Variants in DLGAP1 observed in about 807,000 individuals in gnomAD.
DLGAP1 encodes disks large-associated protein 1.
Under a neutral mutation model 90.8 loss-of-function variants are expected in DLGAP1, and 11 were observed. The observed-to-expected ratio is 0.12, with a 90% confidence interval of 0.08 to 0.20. The LOEUF is 0.20. Among genes scored for constraint, DLGAP1 ranks in the 10% least tolerant of loss-of-function variants. The pLI, the probability that DLGAP1 is intolerant of heterozygous loss-of-function variation, is 1.00. For synonymous variants in DLGAP1, 558 were observed against 540.7 expected, an observed-to-expected ratio of 1.03 and a Z score of -0.44; for missense variants, 1,050 against 1,333.8, an observed-to-expected ratio of 0.79 and a Z score of 3.31.
intron 3 of DLGAP1, among the ~76,000 whole-genome samples, chr18:3,934,131 T>C (rs964688306): frequency 6.6e-6 from 1 of 152,204 alleles, no homozygotes; most frequent in Admixed American, 6.5e-5. Context: ...GAACAGTATT[T>C]ACTAAAAGGA....
intron 3 of DLGAP1, among the ~76,000 whole-genome samples, chr18:3,887,010 A>G (rs2071334512): frequency 6.6e-6 from 1 of 152,214 alleles, no homozygotes; most frequent in African/African-American, 2.4e-5. Context: ...GGAGTGCCAT[A>G]TCCGCCCTGG....
intron 1 of DLGAP1, among the ~76,000 whole-genome samples, chr18:4,235,580 T>C (rs2078391650): frequency 6.6e-6 from 1 of 152,174 alleles, no homozygotes; most frequent in African/African-American, 2.4e-5. Context: ...CATTTGTTTT[T>C]GCCAGCACTG....
intron 7 of DLGAP1, among the ~76,000 whole-genome samples, chr18:3,673,517 A>G (rs1265332103): frequency 6.6e-6 from 1 of 152,198 alleles, no homozygotes; most frequent in Non-Finnish European, 1.5e-5. Context: ...TATTGTTAGC[A>G]CACAATTGCT....
intron 7 of DLGAP1, among the ~76,000 whole-genome samples, chr18:3,703,994 T>C (rs1207700601): frequency 6.6e-6 from 1 of 152,160 alleles, no homozygotes; most frequent in African/African-American, 2.4e-5. Flanking sequence ...ATTATACCAT[T>C]GGGAACATTA....
At chr18:4,251,348 A>T (rs7243004) in intron 1 of DLGAP1, among the ~76,000 whole-genome samples, 13,567 of 152,218 alleles carry the variant, frequency 0.089, 2,047 homozygotes, top group African/African-American at 0.31. Flanking sequence ...TTGACTTTAC[A>T]GATGGAAGCA....
At chr18:3,623,273 G>A (rs1351312978) in intron 7 of DLGAP1, among the ~76,000 whole-genome samples, 1 of 152,190 alleles carries the variant, frequency 6.6e-6, no homozygotes, top group East Asian at 1.9e-4. Flanking sequence ...TCAGGGCCTG[G>A]AACAAAGTAA....
intron 5 of DLGAP1, among the ~76,000 whole-genome samples, chr18:3,778,870 G>A (rs1041710546): frequency 6.6e-6 from 1 of 152,148 alleles, no homozygotes; most frequent in African/African-American, 2.4e-5. Context: ...GTGGCTCAGG[G>A]TCCTCTCTCC....
At chr18:3,605,473 C>T (rs186401592) in intron 7 of DLGAP1, among the ~76,000 whole-genome samples, 1 of 152,196 alleles carries the variant, frequency 6.6e-6, no homozygotes, top group African/African-American at 2.4e-5. Context: ...ACACAGTTAA[C>T]GTTTGCTGCC....
chr18:4,177,450 C>T (rs2077128616), intron 1 of DLGAP1, among the ~76,000 whole-genome samples: 1 of 151,718 alleles, frequency 6.6e-6, no homozygotes, highest in African/African-American at 2.4e-5. Flanking sequence ...TAGTTAGAGA[C>T]TCTGGTTCTT....
chr18:3,596,714 A>AC, intron 7 of DLGAP1: 1 of 431,692 alleles, frequency 2.3e-6, no homozygotes, highest in Non-Finnish European at 4.6e-6. Context: ...GAAGGCGTGA[A>AC]CAGGGATGAG....
At chr18:3,626,149 C>T (rs1280788597) in intron 7 of DLGAP1, among the ~76,000 whole-genome samples, 1 of 151,886 alleles carries the variant, frequency 6.6e-6, no homozygotes, top group Non-Finnish European at 1.5e-5. Context: ...AAAAATTAGC[C>T]CAGCGTGGTG....
chr18:4,221,855 G>A (rs187090048), intron 1 of DLGAP1, among the ~76,000 whole-genome samples: 1 of 152,222 alleles, frequency 6.6e-6, no homozygotes, highest in Admixed American at 6.5e-5. Flanking sequence ...GTTAAATGGC[G>A]ATTTTTCAGT....
chr18:3,629,036 T>C (rs2058419001), intron 7 of DLGAP1, among the ~76,000 whole-genome samples: 1 of 152,216 alleles, frequency 6.6e-6, no homozygotes, highest in South Asian at 2.1e-4. Flanking sequence ...AATAATATTT[T>C]TAAAAATGTG....
chr18:3,627,832 TTTC>T (rs1234705894), intron 7 of DLGAP1, among the ~76,000 whole-genome samples: 4 of 151,644 alleles, frequency 2.6e-5, no homozygotes, highest in African/African-American at 7.3e-5. Flanking sequence ...CTATTTTTTC[TTTC>T]TTTCTTCCTT....
chr18:3,840,646 T>A (rs2068661288), intron 4 of DLGAP1, among the ~76,000 whole-genome samples: 1 of 152,202 alleles, frequency 6.6e-6, no homozygotes, highest in Non-Finnish European at 1.5e-5. Context: ...TGTGGCCCCA[T>A]CTGGAGCCTC....
chr18:4,305,575 A>G (rs1484183941), intron 1 of DLGAP1, among the ~76,000 whole-genome samples: 2 of 151,784 alleles, frequency 1.3e-5, no homozygotes, highest in Non-Finnish European at 2.9e-5. Flanking sequence ...GAAAAACCAC[A>G]GGTCATTTAG....
chr18:4,376,480 A>G (rs1255949385), intron 1 of DLGAP1, among the ~76,000 whole-genome samples: 2 of 152,198 alleles, frequency 1.3e-5, no homozygotes, highest in Admixed American at 6.6e-5. Context: ...AAAGTGATCA[A>G]TCTTTACTGC....
intron 1 of DLGAP1, among the ~76,000 whole-genome samples, chr18:4,354,498 C>A (rs2081464889): frequency 6.6e-6 from 1 of 152,144 alleles, no homozygotes; most frequent in African/African-American, 2.4e-5. Context: ...TTCATTGAAC[C>A]TAAGCATAAA....
intron 4 of DLGAP1, chr18:3,821,870 G>A (rs1234018177): frequency 2.0e-6 from 2 of 979,348 alleles, no homozygotes; most frequent in East Asian, 1.1e-4. Flanking sequence ...ACTTTTAGTG[G>A]GCTCTCAGAT....
Sources: allele counts gnomAD v4.1 joint callset (sites outside exome capture counted in the v4.1 genomes callset), GRCh38; gene constraint gnomAD v4.1.1; transcripts MANE v1.5; gene names NCBI Gene and HGNC (gene_info 2026-07-23, HGNC 2026-07-21).